The following CUX2 variants were observed in gnomAD, a reference collection of about 807,000 sequenced individuals.
The protein encoded by CUX2 is cut like homeobox 2, also known as homeobox protein cut-like 2.
A neutral mutation model predicts 144.8 loss-of-function variants in CUX2; 40 were observed. That is an observed-to-expected ratio of 0.28 (90% CI 0.21 to 0.36). The LOEUF (loss-of-function observed/expected upper bound fraction) is 0.36. Ranked by LOEUF, CUX2 falls within the 10% of genes least tolerant of loss-of-function variation. The probability of loss-of-function intolerance (pLI) is 1.00; values close to 1 mark genes in which losing one functional copy is unlikely to be tolerated. For missense variants in CUX2, 1,615 were observed against 1,994.0 expected (o/e 0.81, Z 3.62); for synonymous variants, 827 against 875.6 (o/e 0.94, Z 0.98).
Position 111,287,146 on chromosome 12 carries a change from G to T in CUX2, c.302-4272G>T, listed in dbSNP as rs1245046621. On this transcript the variant is annotated intron_variant, in intron 4 of 21. Transcript: ENST00000261726. The surrounding 1 kb of genome is among the most constrained non-coding windows in gnomAD (Gnocchi z 4.2). Reference sequence around the variant, plus strand: ...CTCCCCAAGACAGAGCACACAGCCAGCAAGGAATGACCCAGAGGGCCTCGG... The same window carrying T: ...CTCCCCAAGACAGAGCACACAGCCATCAAGGAATGACCCAGAGGGCCTCGG... 6.6e-6 allele frequency among the ~76,000 whole-genome samples: 1 copy of T among 152,244 alleles called. No homozygotes were observed. Among genetic ancestry groups the T allele is most frequent in the African/African-American group, 2.4e-5 (1 of 41,468 alleles).
intron 1 of CUX2, among the ~76,000 whole-genome samples, chr12:111,211,608 G>A (rs997784883): frequency 4.6e-5 from 7 of 152,182 alleles, no homozygotes; most frequent in African/African-American, 9.7e-5. Flanking sequence ...AGACACGGCC[G>A]GGTGTGGTGG....
At chr12:111,233,436 A>G (rs1479842215) in intron 3 of CUX2, among the ~76,000 whole-genome samples, 9 of 152,200 alleles carry the variant, frequency 5.9e-5, no homozygotes, top group Admixed American at 1.3e-4. Context: ...CACCACAAGC[A>G]CAAAATAATA....
chr12:111,297,893 G>A (rs17626956), intron 8 of CUX2, among the ~76,000 whole-genome samples: 3,016 of 152,288 alleles, frequency 0.02, 39 homozygotes, highest in Admixed American at 0.036. Context: ...ACAAGCAGGG[G>A]TAGGTCCTTT....
Position 111,035,878 on chromosome 12 carries a change from G to A in CUX2, c.63+1638G>A, listed in dbSNP as rs910846285. ...CTACAGTTTGGTGGCCAACTGAGAC[G>A]GGCAGGGCTGCGAGCTGTGCCTGCC... On this transcript the variant is annotated intron_variant, in intron 1 of 21. Coordinates refer to ENST00000261726, the MANE Select transcript of CUX2 (RefSeq NM_015267.4). The surrounding 1 kb of genome is among the most constrained non-coding windows in gnomAD (Gnocchi z 6.0). 6.6e-6 allele frequency among the ~76,000 whole-genome samples: 1 copy of A among 152,138 alleles called. No individual in the cohort carries two copies. The highest frequency in any genetic ancestry group is 1.5e-5 in the Non-Finnish European group (1 of 68,040).
chr12:111,305,018 T>C (rs1309459019), intron 10 of CUX2, among the ~76,000 whole-genome samples: 1 of 152,230 alleles, frequency 6.6e-6, no homozygotes, highest in Non-Finnish European at 1.5e-5. Flanking sequence ...TGATCAACCC[T>C]GAGGTTCTTG....
intron 1 of CUX2, among the ~76,000 whole-genome samples, chr12:111,194,760 G>T (rs1415787128): frequency 1.3e-5 from 2 of 152,238 alleles, no homozygotes; most frequent in Non-Finnish European, 2.9e-5. Context: ...GGTGCTTAAA[G>T]CATATTTGAA....
At chr12:111,114,149 T>C (rs1245409597) in intron 1 of CUX2, among the ~76,000 whole-genome samples, 1 of 152,232 alleles carries the variant, frequency 6.6e-6, no homozygotes, top group African/African-American at 2.4e-5. Flanking sequence ...TTTAACTTTT[T>C]AAGAGATTGC....
chr12:111,075,532 GT>G, intron 1 of CUX2, among the ~76,000 whole-genome samples: 1 of 152,264 alleles, frequency 6.6e-6, no homozygotes, highest in East Asian at 1.9e-4. Context: ...GATGATCAGG[GT>G]TTGGGGGCAG....
intron 3 of CUX2, among the ~76,000 whole-genome samples, chr12:111,233,542 G>A: frequency 6.6e-6 from 1 of 152,124 alleles, no homozygotes; most frequent in Non-Finnish European, 1.5e-5. Context: ...CAGAGGTCCT[G>A]CCCTGAGACC....
intron 18 of CUX2, among the ~76,000 whole-genome samples, chr12:111,330,954 G>A (rs1213992659): frequency 6.6e-6 from 1 of 151,040 alleles, no homozygotes; most frequent in Admixed American, 6.6e-5. Flanking sequence ...TCAGGGAAGG[G>A]ACATTTAGGA....
chr12:111,089,676 C>G (rs1872446841), intron 1 of CUX2, among the ~76,000 whole-genome samples: 1 of 152,124 alleles, frequency 6.6e-6, no homozygotes, highest in Non-Finnish European at 1.5e-5. Flanking sequence ...GCTGGGCATT[C>G]CTAGGTTAAT....
chr12:111,043,488 A>G lies in CUX2; in HGVS notation c.63+9248A>G, dbSNP rs74774227. On this transcript the variant is annotated intron_variant, in intron 1 of 21. Transcript: ENST00000261726. ...CTCATTCTCACTTTTGCCACCTGCC[A>G]ATGAGGAGTAGGGATGGAGGATATA... Among the ~76,000 whole-genome samples, 25 of 152,268 alleles carry G rather than the reference A, an allele frequency of 1.6e-4. No individual in the cohort carries two copies. The East Asian group carries it at 3.1e-3, about 19-fold the overall frequency.
intron 1 of CUX2, among the ~76,000 whole-genome samples, chr12:111,102,255 G>T (rs1414414562): frequency 6.6e-6 from 1 of 152,202 alleles, no homozygotes; most frequent in Non-Finnish European, 1.5e-5. Flanking sequence ...GGTGGGCAGG[G>T]ACTCAGGTTA....
chr12:111,278,901 T>C (rs925304754), intron 4 of CUX2, among the ~76,000 whole-genome samples: 5 of 152,158 alleles, frequency 3.3e-5, no homozygotes, highest in African/African-American at 1.2e-4. Context: ...CAGAATCCTG[T>C]AATTGTCTGG....
intron 9 of CUX2, among the ~76,000 whole-genome samples, chr12:111,303,908 G>A (rs949933846): frequency 6.6e-6 from 1 of 152,162 alleles, no homozygotes. Context: ...CATAGAGCAG[G>A]AATGTTCTGA....
At chr12:111,265,425 T>G (rs1884337053) in intron 4 of CUX2, among the ~76,000 whole-genome samples, 1 of 151,974 alleles carries the variant, frequency 6.6e-6, no homozygotes, top group Admixed American at 6.6e-5. Context: ...CACTGCAACC[T>G]CCGCCTCCCG....
intron 1 of CUX2, among the ~76,000 whole-genome samples, chr12:111,101,939 T>G (rs957023366): frequency 2.0e-5 from 3 of 152,272 alleles, no homozygotes; most frequent in Non-Finnish European, 4.4e-5. Flanking sequence ...GTTAAATTTC[T>G]TACTTTACAT....
At chr12:111,220,857 G>T (rs1258664766) in intron 3 of CUX2, among the ~76,000 whole-genome samples, 1 of 143,986 alleles carries the variant, frequency 6.9e-6, no homozygotes, top group Non-Finnish European at 1.5e-5. Flanking sequence ...GATCACTTGA[G>T]CCCAGGAGTT....
intron 1 of CUX2, among the ~76,000 whole-genome samples, chr12:111,072,604 G>C (rs1299880328): frequency 6.6e-6 from 1 of 152,236 alleles, no homozygotes; most frequent in African/African-American, 2.4e-5. Flanking sequence ...AAGTTTGTTG[G>C]GGGTATGGGG....
Sources: gnomAD v4.1 joint callset for allele counts (sites outside exome capture counted in the v4.1 genomes callset) on GRCh38, gnomAD v4.1.1 for gene constraint, Gnocchi (gnomAD v3.1) non-coding constraint, MANE v1.5 for transcripts, NCBI Gene and HGNC (gene_info 2026-07-23, HGNC 2026-07-21) for gene names.